The following SLCO6A1 variants were observed in gnomAD, a reference collection of about 807,000 sequenced individuals.
The protein encoded by SLCO6A1 is cancer/testis antigen 48.
SLCO6A1 carries 65 observed loss-of-function variants against 72.7 expected under a neutral mutation model. The observed-to-expected ratio is 0.89, with a 90% CI of 0.73 to 1.10. SLCO6A1 has a LOEUF of 1.10. Among genes scored for constraint, SLCO6A1 ranks in the 50% least tolerant of loss-of-function variants. The pLI, the probability that SLCO6A1 is intolerant of heterozygous loss-of-function variation, is 0.00. For missense variants in SLCO6A1, 874 were observed against 872.6 expected (o/e 1.00, Z -0.02); for synonymous variants, 314 against 298.2 (o/e 1.05, Z -0.55).
chr5:102,442,539 C>T (rs1376909), intron 6 of SLCO6A1, among the ~76,000 whole-genome samples: 96,906 of 152,018 alleles, frequency 0.64, 31,066 homozygotes, highest in African/African-American at 0.66. Flanking sequence ...CACGGGATTA[C>T]GAGATTTGTT....
At chr5:102,497,559 A>C (rs1415218854) in intron 1 of SLCO6A1, among the ~76,000 whole-genome samples, 1 of 152,192 alleles carries the variant, frequency 6.6e-6, no homozygotes, top group Non-Finnish European at 1.5e-5. Flanking sequence ...TGAGGCACCC[A>C]AGTTCGTGCC....
chr5:102,410,895 G>A (rs1427094296), intron 9 of SLCO6A1, among the ~76,000 whole-genome samples: 2 of 152,150 alleles, frequency 1.3e-5, no homozygotes, highest in African/African-American at 2.4e-5. Context: ...ATAAACCATA[G>A]AAGGACTAAT....
chr5:102,495,468 A>C (rs1752868222), intron 1 of SLCO6A1, among the ~76,000 whole-genome samples: 1 of 151,976 alleles, frequency 6.6e-6, no homozygotes, highest in Non-Finnish European at 1.5e-5. Context: ...TGTGGCGGGC[A>C]CCTGTAATCC....
At chr5:102,451,812 A>G (rs1021109737) in intron 6 of SLCO6A1, among the ~76,000 whole-genome samples, 2 of 152,184 alleles carry the variant, frequency 1.3e-5, no homozygotes, top group African/African-American at 4.8e-5. Flanking sequence ...GCTAGTGTTT[A>G]CTTGCCACTC....
intron 1 of SLCO6A1, among the ~76,000 whole-genome samples, chr5:102,488,372 T>C (rs1314243897): frequency 1.3e-5 from 2 of 152,210 alleles, no homozygotes; most frequent in African/African-American, 2.4e-5. Flanking sequence ...ATTTATCAAA[T>C]GTTAATGTTT....
chr5:102,460,602 G>A (rs935043207), intron 4 of SLCO6A1, among the ~76,000 whole-genome samples: 2 of 151,864 alleles, frequency 1.3e-5, no homozygotes, highest in African/African-American at 4.8e-5. Context: ...ATACATAGAC[G>A]CCATTGTCTT....
intron 6 of SLCO6A1, among the ~76,000 whole-genome samples, chr5:102,444,557 A>G (rs1750008616): frequency 6.6e-6 from 1 of 152,208 alleles, no homozygotes; most frequent in Non-Finnish European, 1.5e-5. Flanking sequence ...CAATCTGTCC[A>G]TCAGAATAAA....
intron 7 of SLCO6A1, among the ~76,000 whole-genome samples, chr5:102,427,296 C>T (rs1748945848): frequency 6.6e-6 from 1 of 151,546 alleles, no homozygotes; most frequent in Admixed American, 6.6e-5. Flanking sequence ...GAAGAATAAC[C>T]AAAACAAACA....
chr5:102,381,965 T>C (rs1457065888), intron 12 of SLCO6A1, among the ~76,000 whole-genome samples: 1 of 151,766 alleles, frequency 6.6e-6, no homozygotes, highest in Non-Finnish European at 1.5e-5. Flanking sequence ...TTTTGAATAT[T>C]AGCCCCTTAT....
intron 7 of SLCO6A1, among the ~76,000 whole-genome samples, chr5:102,434,295 C>CT (rs1440894353): frequency 2.6e-5 from 4 of 152,070 alleles, no homozygotes; most frequent in African/African-American, 9.7e-5. Flanking sequence ...TCTGGACACT[C>CT]TTTATCAAGT....
At position 102,461,136 on chromosome 5, in the gene SLCO6A1, G is replaced by A. The variant is rs1430308089; in HGVS notation, c.900-1359C>T. 2.0e-5 allele frequency among the ~76,000 whole-genome samples: 3 copies of A among 151,400 alleles called. No homozygotes were observed. In the East Asian group the frequency reaches 5.8e-4, roughly 30 times the overall value. On this transcript the variant is annotated intron_variant, in intron 4 of 13. Transcript: ENST00000506729. The stretch of plus-strand genomic sequence containing the variant: ...GTGTATAATTGTGTACCCGGAAGAG[G>A]TAGGGAAATCAACTAAAAAAACTAT...
chr5:102,474,114 A>G (rs944162671), intron 4 of SLCO6A1, among the ~76,000 whole-genome samples: 1 of 152,044 alleles, frequency 6.6e-6, no homozygotes, highest in Non-Finnish European at 1.5e-5. Flanking sequence ...GACCCTGAAC[A>G]GCCAAATCAA....
intron 8 of SLCO6A1, among the ~76,000 whole-genome samples, chr5:102,419,610 T>G (rs1481707549): frequency 6.6e-6 from 1 of 152,188 alleles, no homozygotes; most frequent in Non-Finnish European, 1.5e-5. Flanking sequence ...TCTTCATTAC[T>G]TTACGAATGC....
At chr5:102,391,543 G>C (rs1361441869) in intron 10 of SLCO6A1, among the ~76,000 whole-genome samples, 1 of 152,122 alleles carries the variant, frequency 6.6e-6, no homozygotes, top group Non-Finnish European at 1.5e-5. Context: ...GTGAGGTCAA[G>C]ATTTGTATTC....
In SLCO6A1 at chr5:102,413,006, G is replaced by A. The variant is rs1365454173; in HGVS notation, c.1610C>T (p.Ala537Val). The change falls in exon 9 of 14, where the codon GCA (alanine) becomes GTA (valine). Residue 537 changes from alanine to valine, a missense_variant. Coordinates refer to ENST00000506729, the MANE Select transcript of SLCO6A1 (RefSeq NM_173488.5). ...PCFAGCTYSK[A>V]QNQKKMYYNC... ...AATAATTACCTTTTTTTGGTTTTGT[G>A]CTTTAGAATATGTACACCCTGCAAA... 7.0e-7 allele frequency: 1 copy of A among 1,428,862 alleles called. No homozygotes were observed. Among genetic ancestry groups the A allele is most frequent in the African/African-American group, 1.5e-5 (1 of 67,368 alleles). The allele number at this position is 1,428,862 out of a possible 1,614,324, so 88.5% of individuals were successfully genotyped here. A position where few individuals can be genotyped will look rare whatever the true frequency, so the allele number is the denominator to read the frequency against.
intron 9 of SLCO6A1, among the ~76,000 whole-genome samples, chr5:102,405,390 G>A (rs1016829637): frequency 6.7e-6 from 1 of 149,292 alleles, no homozygotes; most frequent in Non-Finnish European, 1.5e-5. Context: ...CTAATGAAAA[G>A]CAAAATTTAA....
chr5:102,454,529 T>C (rs1750599146), intron 6 of SLCO6A1, among the ~76,000 whole-genome samples: 1 of 152,168 alleles, frequency 6.6e-6, no homozygotes, highest in Non-Finnish European at 1.5e-5. Flanking sequence ...TCAGATATCA[T>C]CTAGTTATCT....
chr5:102,428,660 A>T (rs750363347), intron 7 of SLCO6A1, among the ~76,000 whole-genome samples: 6 of 151,628 alleles, frequency 4.0e-5, no homozygotes, highest in Non-Finnish European at 5.9e-5. Flanking sequence ...ACCACCCTCC[A>T]CCCTCAGGTA....
Position 102,412,370 on chromosome 5 carries a change from T to C in SLCO6A1, c.1626+620A>G, listed in dbSNP as rs143198578. Among the ~76,000 whole-genome samples the C allele has an allele frequency of 2.1e-3, 317 of 152,224 alleles. 3 individuals carry two copies. Among genetic ancestry groups the C allele is most frequent in the African/African-American group, 7.2e-3 (301 of 41,536 alleles). On this transcript the variant is annotated intron_variant, in intron 9 of 13. Coordinates refer to ENST00000506729, the MANE Select transcript of SLCO6A1 (RefSeq NM_173488.5). ...GCTGAGAATAAGTCTCTTCAAATAT[T>C]TTACAGAGTTTGACTCTTTTCATTG...
Sources: gnomAD v4.1 joint callset for allele counts (sites outside exome capture counted in the v4.1 genomes callset) on GRCh38, gnomAD v4.1.1 for gene constraint, MANE v1.5 for transcripts, NCBI Gene and HGNC (gene_info 2026-07-23, HGNC 2026-07-21) for gene names.